Variants in MACROD2 observed in about 807,000 individuals in gnomAD.
MACROD2 encodes the protein mono-ADP ribosylhydrolase 2.
MACROD2 carries 36 observed loss-of-function variants against 70.4 expected under a neutral mutation model. The ratio of observed to expected loss-of-function variants is 0.51; its 90% CI spans 0.39 to 0.68. The LOEUF (loss-of-function observed/expected upper bound fraction) is 0.68, where lower values mean the gene tolerates loss of function less well. Ranked by LOEUF, MACROD2 falls within the 30% of genes least tolerant of loss-of-function variation. MACROD2 has a pLI of 0.00. For missense variants in MACROD2, 496 were observed against 538.4 expected (o/e 0.92, Z 0.78); for synonymous variants, 172 against 178.8 (o/e 0.96, Z 0.30).
intron 3 of MACROD2, among the ~76,000 whole-genome samples, chr20:14,468,658 C>A (rs1161464862): frequency 6.6e-6 from 1 of 152,062 alleles, no homozygotes; most frequent in African/African-American, 2.4e-5. Context: ...ATTACAGGCA[C>A]ATGCCACCAC....
chr20:14,440,561 C>T (rs1034233833), intron 3 of MACROD2, among the ~76,000 whole-genome samples: 20 of 152,100 alleles, frequency 1.3e-4, no homozygotes, highest in African/African-American at 4.3e-4. Context: ...GATCTGTGTA[C>T]CTTTACATAA....
intron 6 of MACROD2, among the ~76,000 whole-genome samples, chr20:15,283,084 C>G (rs969564425): frequency 1.3e-5 from 2 of 152,152 alleles, no homozygotes; most frequent in African/African-American, 4.8e-5. Flanking sequence ...AGAACTCACT[C>G]ACTATCACAA....
chr20:15,453,493 G>A (rs556547727), intron 7 of MACROD2, among the ~76,000 whole-genome samples: 4 of 152,224 alleles, frequency 2.6e-5, no homozygotes, highest in Non-Finnish European at 4.4e-5. Flanking sequence ...CTGAATTGAC[G>A]CCTATCTTTA....
rs567660041 is a variant in MACROD2 at position 14,982,594 on chromosome 20, G to C, written c.419-247346G>C. On this transcript the variant is annotated intron_variant, in intron 5 of 17. Coordinates refer to ENST00000684519, the MANE Select transcript of MACROD2 (RefSeq NM_001351661.2). ...GCTGTGGCTGAAAGGGGCCAACGCA[G>C]AGCTTGGGCCATGGCCTCAGAGGGT... 3.9e-5 allele frequency among the ~76,000 whole-genome samples: 6 copies of C among 152,346 alleles called. No homozygotes were observed. The South Asian group carries it at 1.0e-3, about 26-fold the overall frequency.
rs576232394 is a variant in MACROD2 at position 14,787,588 on chromosome 20, C to A, written c.418+102629C>A. Reference sequence around the variant, plus strand: ...GTTCTGCTTTATCTTCCTATGTATCCAGGAGATTTAAGTAGTAACTGAAGC... The same window carrying A: ...GTTCTGCTTTATCTTCCTATGTATCAAGGAGATTTAAGTAGTAACTGAAGC... On this transcript the variant is annotated intron_variant, in intron 5 of 17. Transcript: ENST00000684519. Among the ~76,000 whole-genome samples the A allele has an allele frequency of 2.0e-5, 3 of 152,138 alleles. No homozygotes were observed. The South Asian group carries it at 6.2e-4, about 32-fold the overall frequency.
chr20:14,735,031 C>A (rs1162245480), intron 5 of MACROD2, among the ~76,000 whole-genome samples: 1 of 151,594 alleles, frequency 6.6e-6, no homozygotes, highest in South Asian at 2.1e-4. Context: ...ACTATAAAAC[C>A]CTTAGAAAAA....
intron 2 of MACROD2, among the ~76,000 whole-genome samples, chr20:14,052,514 T>A (rs1446729932): frequency 6.6e-6 from 1 of 152,184 alleles, no homozygotes; most frequent in Non-Finnish European, 1.5e-5. Context: ...CACTCTGATT[T>A]ATTTCTCAGG....
intron 3 of MACROD2, among the ~76,000 whole-genome samples, chr20:14,399,386 A>G (rs934092736): frequency 6.6e-6 from 1 of 151,916 alleles, no homozygotes; most frequent in African/African-American, 2.4e-5. Context: ...TTCTTTTTCT[A>G]TGCTTTAGAT....
chr20:15,615,202 G>C (rs1434953588), intron 8 of MACROD2, among the ~76,000 whole-genome samples: 1 of 152,170 alleles, frequency 6.6e-6, no homozygotes, highest in Non-Finnish European at 1.5e-5. Context: ...TGCAGACCAG[G>C]ATGGAAGAGC....
At chr20:15,159,623 G>T (rs563999198) in intron 5 of MACROD2, among the ~76,000 whole-genome samples, 2 of 15,052 alleles carry the variant, frequency 1.3e-4, no homozygotes, top group Non-Finnish European at 2.3e-4. Context: ...TAAGGAGATT[G>T]ATTGATTGGT....
intron 3 of MACROD2, among the ~76,000 whole-genome samples, chr20:14,318,665 C>G (rs1019268825): frequency 2.0e-5 from 3 of 152,166 alleles, no homozygotes; most frequent in African/African-American, 7.2e-5. Flanking sequence ...AATGTCTATA[C>G]TATTTAGAAT....
At chr20:14,132,634 T>A (rs905578660) in intron 3 of MACROD2, among the ~76,000 whole-genome samples, 1 of 152,108 alleles carries the variant, frequency 6.6e-6, no homozygotes, top group Non-Finnish European at 1.5e-5. Flanking sequence ...AGAAATCTGT[T>A]TCTTTTTCTT....
At chr20:14,720,569 T>TTTTTTTTTTTTTTTTTTCTTTTTTTG (rs531072431) in intron 5 of MACROD2, among the ~76,000 whole-genome samples, 1 of 84,094 alleles carries the variant, frequency 1.2e-5, no homozygotes, top group African/African-American at 4.7e-5. Flanking sequence ...TTTTTTTTTT[T>TTTTTTTTTTTTTTTTTTCTTTTTTTG]TGTGAGGCAG....
Position 14,716,499 on chromosome 20 carries a change from C to T in MACROD2, c.418+31540C>T, listed in dbSNP as rs75331837. 1.9e-4 allele frequency among the ~76,000 whole-genome samples: 29 copies of T among 152,188 alleles called. No homozygotes were observed. In the East Asian group the frequency reaches 4.8e-3, roughly 25 times the overall value. On this transcript the variant is annotated intron_variant, in intron 5 of 17. Transcript: ENST00000684519. ...TCTTAATTCTTTCTGCCATTGGTTC[C>T]GAGGGGCAGGCTTTTGTGGGGAGGG...
chr20:14,589,948 G>T (rs1052454711), intron 4 of MACROD2, among the ~76,000 whole-genome samples: 4 of 152,124 alleles, frequency 2.6e-5, no homozygotes, highest in African/African-American at 9.7e-5. Flanking sequence ...GCTTTGAGCT[G>T]CTTTTGATAT....
chr20:15,210,432 A>T (rs1033451879), intron 5 of MACROD2, among the ~76,000 whole-genome samples: 1 of 152,128 alleles, frequency 6.6e-6, no homozygotes, highest in Non-Finnish European at 1.5e-5. Context: ...TATTCTGGGC[A>T]CAGTCAATAT....
chr20:15,593,626 A>T (rs563533969), intron 8 of MACROD2, among the ~76,000 whole-genome samples: 1 of 152,350 alleles, frequency 6.6e-6, no homozygotes, highest in South Asian at 2.1e-4. Context: ...CTTTGTTGGA[A>T]TAATGCTTGT....
intron 7 of MACROD2, among the ~76,000 whole-genome samples, chr20:15,493,543 A>G (rs951641782): frequency 2.0e-5 from 3 of 152,200 alleles, no homozygotes; most frequent in Admixed American, 6.5e-5. Flanking sequence ...AGTCATGTCT[A>G]TCTTTATTTT....
intron 5 of MACROD2, among the ~76,000 whole-genome samples, chr20:15,191,619 G>A (rs368358598): frequency 6.6e-6 from 1 of 152,156 alleles, no homozygotes; most frequent in East Asian, 1.9e-4. Context: ...CACCTTAAAC[G>A]ACAAATGAAT....
Sources: gnomAD v4.1 joint callset for allele counts (sites outside exome capture counted in the v4.1 genomes callset) on GRCh38, gnomAD v4.1.1 for gene constraint, MANE v1.5 for transcripts, NCBI Gene and HGNC (gene_info 2026-07-23, HGNC 2026-07-21) for gene names.